The following ALPP variants were observed in gnomAD, a reference collection of about 807,000 sequenced individuals.
ALPP encodes the protein alkaline phosphatase, placental.
A neutral mutation model predicts 50.7 loss-of-function variants in ALPP; 39 were observed. The observed-to-expected ratio is 0.77, with a 90% CI of 0.60 to 1.00. The LOEUF (loss-of-function observed/expected upper bound fraction) is 1.00. Ranked by LOEUF, ALPP falls within the 50% of genes least tolerant of loss-of-function variation. The pLI is 0.00. For missense variants in ALPP, 550 were observed against 746.8 expected (o/e 0.74, Z 3.07); for synonymous variants, 226 against 320.3 (o/e 0.71, Z 3.14).
At position 232,379,705 on chromosome 2, in the gene ALPP, G is replaced by A; in HGVS notation, c.484+18G>A. 1 of 1,614,006 alleles carries A rather than the reference G, an allele frequency of 6.2e-7. No homozygotes were observed. The highest frequency in any genetic ancestry group is 1.6e-4 in the Middle Eastern group (1 of 6,062). ...GAAAGCAGGTGAGCTGGGGCCCGCT[G>A]CTGGGTCACGGCCAGGTCACAGACG... On this transcript the variant is annotated intron_variant, in intron 4 of 10. Coordinates refer to ENST00000392027, the MANE Select transcript of ALPP (RefSeq NM_001632.5).
chr2:232,381,405 G>A (rs767007516), intron 10 of ALPP, 38 bp downstream of exon 10: 2 of 1,613,860 alleles, frequency 1.2e-6, no homozygotes, highest in African/African-American at 1.3e-5. Context: ...GGGGACCAGG[G>A]TGCCAAGGAT....
rs1474286688 is a variant in ALPP, at chr2:232,381,501, C to A, written c.1314C>A (p.Ser438Arg). 2 of 1,613,170 alleles carry A rather than the reference C, an allele frequency of 1.2e-6. No homozygotes were observed. Among genetic ancestry groups the A allele is most frequent in the South Asian group, 1.1e-5 (1 of 90,848 alleles). Residue 438 changes from serine to arginine, a missense_variant, in exon 11 of 11, where the codon AGC (serine) becomes AGA (arginine). Coordinates refer to ENST00000392027, the MANE Select transcript of ALPP (RefSeq NM_001632.5). ...GGAACTGAACCCTCCAACCAGGGAGCCCCGAGTATCGGCAGCAGTCAGCAG... is the reference window on the plus strand; with the variant it reads ...GGAACTGAACCCTCCAACCAGGGAGACCCGAGTATCGGCAGCAGTCAGCAG... ...RPDVTESESG[S>R]PEYRQQSAVP...
At position 232,381,379 on chromosome 2, in the gene ALPP, G is replaced by T; in HGVS notation, c.1309+12G>T. ...CGAGAGCGAGAGCGGTGAGTGCCGC[G>T]GGGTGGCCCCCTGAGGGGGACCAGG... On this transcript the variant is annotated intron_variant, in intron 10 of 10. Coordinates refer to ENST00000392027, the MANE Select transcript of ALPP (RefSeq NM_001632.5). 3.7e-6 allele frequency: 6 copies of T among 1,614,006 alleles called. No homozygotes were observed. In the South Asian group the frequency reaches 6.6e-5, roughly 18 times the overall value.
At chr2:232,379,138 G>A (rs762716147) in intron 2 of ALPP, 51 bp downstream of exon 2, 132 of 1,613,974 alleles carry the variant, frequency 8.2e-5, no homozygotes, top group Non-Finnish European at 7.9e-5. Flanking sequence ...CCCGGCGCCC[G>A]GACCCTCAGT....
rs1421226219 is a variant in ALPP, at chr2:232,382,095, T to C, written c.*300T>C. 1 of 545,102 alleles carries C rather than the reference T, an allele frequency of 1.8e-6. No individual in the cohort carries two copies. Among genetic ancestry groups the C allele is most frequent in the Non-Finnish European group, 3.2e-6 (1 of 309,408 alleles). 33.8% of individuals were successfully genotyped at this position (545,102 alleles called of 1,614,324 possible). ...CATCCAGCCACCACCTACAGCCCAGTGGGTACCAGGCAGGCTCCCTTCCTG... is the reference window on the plus strand; with the variant it reads ...CATCCAGCCACCACCTACAGCCCAGCGGGTACCAGGCAGGCTCCCTTCCTG... On this transcript the variant is annotated 3_prime_UTR_variant, in exon 11 of 11. Coordinates refer to ENST00000392027, the MANE Select transcript of ALPP (RefSeq NM_001632.5).
Position 232,378,865 on chromosome 2 carries a change from G to A in ALPP, c.63G>A (p.Leu21=), listed in dbSNP as rs1435770509. 2.5e-6 allele frequency: 4 copies of A among 1,613,870 alleles called. No individual in the cohort carries two copies. The highest frequency in any genetic ancestry group is 3.4e-6 in the Non-Finnish European group (4 of 1,180,014). The stretch of plus-strand genomic sequence containing the variant: ...TGGGCCTGAGGCTACAGCTCTCCCT[G>A]GGCATCATCCCAGGTAATGAGGCTC... ...LLLGLRLQLS[L]GIIPVEEENP... The change falls in exon 1 of 11, where the codon CTG becomes CTA. Residue 21 remains leucine, a synonymous_variant. Coordinates refer to ENST00000392027, the MANE Select transcript of ALPP (RefSeq NM_001632.5).
chr2:232,379,730 G>A lies in ALPP; in HGVS notation c.485-34G>A, dbSNP rs575902236. 30 of 1,614,048 alleles carry A rather than the reference G, an allele frequency of 1.9e-5. 1 individual carries two copies. The highest frequency in any genetic ancestry group is 5.5e-5 in the South Asian group (5 of 91,066). On this transcript the variant is annotated intron_variant, in intron 4 of 10. Transcript: ENST00000392027. ...GCTGGGTCACGGCCAGGTCACAGAC[G>A]TTGGTCACATATACTGACCTCTGAC...
At chr2:232,381,403 G>A (rs1202717525) in intron 10 of ALPP, 36 bp downstream of exon 10, 28 of 1,613,750 alleles carry the variant, frequency 1.7e-5, no homozygotes, top group Non-Finnish European at 2.2e-5. Flanking sequence ...AGGGGGACCA[G>A]GGTGCCAAGG....
chr2:232,379,829 C>A lies in ALPP; in HGVS notation c.550C>A (p.His184Asn), dbSNP rs1313047930. ...CGCCTCGCCAGCCGGCACCTACGCC[C>A]ACACGGTGAACCGCAACTGGTACTC... Reference protein sequence around the residue: ...QHASPAGTYAHTVNRNWYSDA... With the variant: ...QHASPAGTYANTVNRNWYSDA... Residue 184 changes from histidine (H) to asparagine (N), a missense_variant, in exon 5 of 11, where the codon CAC (histidine) becomes AAC (asparagine). This residue lies in a region of ALPP where 376 missense variants were observed against 388.5 expected (regional missense o/e 0.97). Transcript: ENST00000392027. The A allele has an allele frequency of 4.3e-6, 7 of 1,613,770 alleles. No homozygotes were observed. Among genetic ancestry groups the A allele is most frequent in the Middle Eastern group, 1.6e-4 (1 of 6,072 alleles).
rs760852473 is a variant in ALPP, at chr2:232,379,552, A to G, written c.349A>G (p.Thr117Ala). 2 of 1,614,142 alleles carry G rather than the reference A, an allele frequency of 1.2e-6. No homozygotes were observed. The highest frequency in any genetic ancestry group is 1.7e-6 in the Non-Finnish European group (2 of 1,180,048). ...VDKHVPDSGA[T>A]ATAYLCGVKG... ...CAAACATGTGCCAGACAGTGGAGCC[A>G]CAGCCACGGCCTACCTGTGCGGGGT... is the stretch of plus-strand genomic sequence containing the variant. Residue 117 changes from threonine to alanine, a missense_variant, in exon 4 of 11, where the codon ACA becomes GCA. Around this residue, in one of 5 missense-constraint regions of ALPP, gnomAD observed 376 missense variants for 388.5 expected, o/e 0.97. Coordinates refer to ENST00000392027, the MANE Select transcript of ALPP (RefSeq NM_001632.5).
At position 232,381,941 on chromosome 2, in the gene ALPP, C is replaced by A. The variant is rs1009587266; in HGVS notation, c.*146C>A. 3 of 1,295,276 alleles carry A rather than the reference C, an allele frequency of 2.3e-6. No individual in the cohort carries two copies. The highest frequency in any genetic ancestry group is 1.5e-5 in the South Asian group (1 of 65,214). 80.2% of individuals were successfully genotyped at this position (1,295,276 alleles called of 1,614,324 possible). ...GCCATGGAACCTTCCCCTCCCCGTG[C>A]GCTCTGGGGACTGAGCCCATGACAC... On this transcript the variant is annotated 3_prime_UTR_variant, in exon 11 of 11. Transcript: ENST00000392027.
Position 232,381,941 on chromosome 2 carries a change from C to T in ALPP, c.*146C>T, listed in dbSNP as rs1009587266. 67 of 1,295,394 alleles carry T rather than the reference C, an allele frequency of 5.2e-5. No homozygotes were observed. The highest frequency in any genetic ancestry group is 2.7e-4 in the Middle Eastern group (1 of 3,664). 80.2% of individuals were successfully genotyped at this position (1,295,394 alleles called of 1,614,324 possible). ...GCCATGGAACCTTCCCCTCCCCGTG[C>T]GCTCTGGGGACTGAGCCCATGACAC... On this transcript the variant is annotated 3_prime_UTR_variant, in exon 11 of 11. Coordinates refer to ENST00000392027, the MANE Select transcript of ALPP (RefSeq NM_001632.5).
Position 232,382,291 on chromosome 2 carries a change from A to G in ALPP, c.*496A>G, listed in dbSNP as rs1233667058. 1 of 181,062 alleles carries G rather than the reference A, an allele frequency of 5.5e-6. No individual in the cohort carries two copies. Among genetic ancestry groups the G allele is most frequent in the East Asian group, 1.6e-4 (1 of 6,236 alleles). The allele number at this position is 181,062 out of a possible 1,614,324, so 11.2% of individuals were successfully genotyped here. A position where few individuals can be genotyped will look rare whatever the true frequency, so the allele number is the denominator to read the frequency against. ...TGGGGATCACCAGGGGGATTTTGAC[A>G]CAGCCTTCGGCTGCCCCCCACTAAG... On this transcript the variant is annotated 3_prime_UTR_variant, in exon 11 of 11. Coordinates refer to ENST00000392027, the MANE Select transcript of ALPP (RefSeq NM_001632.5).
Sources: allele counts gnomAD v4.1 joint callset, GRCh38; gene constraint gnomAD v4.1.1; regional missense constraint gnomAD v4.1.1; transcripts MANE v1.5; gene names NCBI Gene and HGNC (gene_info 2026-07-23, HGNC 2026-07-21).